Variants in C12orf56 observed in about 807,000 individuals in gnomAD.
C12orf56 encodes the protein chromosome 12 open reading frame 56.
C12orf56 carries 71 observed loss-of-function variants against 69.9 expected under a neutral mutation model. That is an observed-to-expected ratio of 1.02 (90% confidence interval 0.84 to 1.24). The LOEUF (loss-of-function observed/expected upper bound fraction) is 1.24. Among genes scored for constraint, C12orf56 ranks in the 50% most tolerant of loss-of-function variants. C12orf56 has a pLI of 0.00. For missense variants in C12orf56, 732 were observed against 738.5 expected (o/e 0.99, Z 0.10); for synonymous variants, 276 against 274.1 (o/e 1.01, Z -0.07).
chr12:64,385,162 G>A (rs2039772962), intron 1 of C12orf56, among the ~76,000 whole-genome samples: 1 of 152,020 alleles, frequency 6.6e-6, no homozygotes, highest in Admixed American at 6.6e-5. Flanking sequence ...TTAAGGAAAT[G>A]TCAGCCTTTT....
chr12:64,370,682 A>T (rs1400642503), intron 1 of C12orf56, among the ~76,000 whole-genome samples: 1 of 152,186 alleles, frequency 6.6e-6, no homozygotes, highest in Admixed American at 6.6e-5. Flanking sequence ...AATTGCACCA[A>T]GTTTAAAATT....
chr12:64,338,166 G>A (rs942001311), intron 2 of C12orf56: 77 of 571,354 alleles, frequency 1.3e-4, no homozygotes, highest in African/African-American at 6.3e-4. Flanking sequence ...TCCACCTCCC[G>A]AAGGCTTAGT....
chr12:64,358,368 G>A (rs1041181704), intron 1 of C12orf56, among the ~76,000 whole-genome samples: 2 of 151,820 alleles, frequency 1.3e-5, no homozygotes, highest in Admixed American at 6.6e-5. Context: ...TGAGGCAGGA[G>A]AATCGCTGGA....
chr12:64,287,261 A>AGAAG (rs1389739195), intron 6 of C12orf56, among the ~76,000 whole-genome samples: 6 of 67,582 alleles, frequency 8.9e-5, no homozygotes, highest in African/African-American at 2.4e-4. Flanking sequence ...AAAAAAAAAA[A>AGAAG]AAGAAGAAGA....
At chr12:64,353,204 C>G in intron 1 of C12orf56, 148 bp from the exon 2 acceptor site, 1 of 724,184 alleles carries the variant, frequency 1.4e-6, no homozygotes, top group Non-Finnish European at 2.2e-6. Context: ...GACACCCAGG[C>G]TAGAGTGCAG....
intron 6 of C12orf56, among the ~76,000 whole-genome samples, chr12:64,294,175 A>C (rs950007571): frequency 3.9e-5 from 6 of 152,294 alleles, no homozygotes; most frequent in African/African-American, 1.4e-4. Flanking sequence ...TAAAAAAAAA[A>C]CACAAAATAG....
intron 1 of C12orf56, among the ~76,000 whole-genome samples, chr12:64,356,195 A>C (rs1565772302): frequency 2.0e-5 from 3 of 151,836 alleles, no homozygotes; most frequent in Admixed American, 6.6e-5. Flanking sequence ...AAAAAAAAAA[A>C]AAAACCATAC....
chr12:64,371,931 A>G (rs1233359750), intron 1 of C12orf56, among the ~76,000 whole-genome samples: 3 of 131,502 alleles, frequency 2.3e-5, no homozygotes, highest in Non-Finnish European at 4.7e-5. Flanking sequence ...TTTTGCACGC[A>G]CCACCACATG....
chr12:64,379,529 G>A (rs987678237), intron 1 of C12orf56, among the ~76,000 whole-genome samples: 9 of 151,354 alleles, frequency 5.9e-5, no homozygotes, highest in Admixed American at 3.9e-4. Context: ...CTTGTGATCC[G>A]CCCACCTCGG....
At chr12:64,339,531 C>T (rs1196002203) in intron 2 of C12orf56, among the ~76,000 whole-genome samples, 8 of 152,030 alleles carry the variant, frequency 5.3e-5, no homozygotes, top group African/African-American at 1.2e-4. Flanking sequence ...CTCCAAACCC[C>T]GTCATTTAAG....
intron 2 of C12orf56, among the ~76,000 whole-genome samples, chr12:64,333,105 C>T (rs1000497868): frequency 6.6e-6 from 1 of 152,156 alleles, no homozygotes; most frequent in African/African-American, 2.4e-5. Context: ...GCACTTATGA[C>T]TCATCAATCA....
intron 1 of C12orf56, among the ~76,000 whole-genome samples, chr12:64,386,966 C>A (rs2039800229): frequency 6.6e-6 from 1 of 150,564 alleles, no homozygotes; most frequent in Non-Finnish European, 1.5e-5. Context: ...GTAGTCCCAG[C>A]TACTTAGGAG....
chr12:64,276,993 TAAAAA>T (rs200351319), intron 9 of C12orf56, among the ~76,000 whole-genome samples: 64 of 69,218 alleles, frequency 9.2e-4, no homozygotes, highest in South Asian at 2.4e-3. Flanking sequence ...AACCCTTTCT[TAAAAA>T]AAAAAAAAAA....
chr12:64,274,140 G>T (rs1220253561), intron 11 of C12orf56, among the ~76,000 whole-genome samples: 1 of 151,614 alleles, frequency 6.6e-6, no homozygotes, highest in Non-Finnish European at 1.5e-5. Flanking sequence ...GGGCCCTGAG[G>T]CCTGAGGGAT....
chr12:64,377,859 A>AT (rs920373634), intron 1 of C12orf56, among the ~76,000 whole-genome samples: 2 of 151,800 alleles, frequency 1.3e-5, no homozygotes, highest in African/African-American at 2.4e-5. Flanking sequence ...ACCAAAAAAA[A>AT]TTTTTTTTTA....
chr12:64,363,952 C>T (rs2039430776), intron 1 of C12orf56, among the ~76,000 whole-genome samples: 1 of 151,924 alleles, frequency 6.6e-6, no homozygotes, highest in South Asian at 2.1e-4. Context: ...AATAAATTTG[C>T]AAAATGCTGT....
intron 2 of C12orf56, among the ~76,000 whole-genome samples, chr12:64,351,978 A>T (rs2039229029): frequency 1.3e-5 from 2 of 152,118 alleles, no homozygotes; most frequent in Non-Finnish European, 2.9e-5. Flanking sequence ...CATCCTTCAA[A>T]CTGGGAAAAG....
chr12:64,352,117 T>TTTTTG lies in C12orf56; in HGVS notation c.415+776_415+777insCAAAA, dbSNP rs1491260749. Among the ~76,000 whole-genome samples the TTTTTG allele has an allele frequency of 0.016, 106 of 6,800 alleles. No homozygotes were observed. The East Asian group carries it at 0.24, about 15-fold the overall frequency. The allele number at this position is 6,800 out of a possible 152,430, so 4.5% of individuals were successfully genotyped here. ...TGTTTTTGTTTTTTTTTTTTTTTTG[T>TTTTTG]TTTTTTTTTTACCAGTCAGGCTTTT... On this transcript the variant is annotated intron_variant, in intron 2 of 12. Transcript: ENST00000543942.
At chr12:64,370,605 T>C (rs1042993344) in intron 1 of C12orf56, among the ~76,000 whole-genome samples, 5 of 151,846 alleles carry the variant, frequency 3.3e-5, no homozygotes, top group African/African-American at 1.2e-4. Flanking sequence ...GAGCTGAAAT[T>C]GTGCCACTGC....
Sources: allele counts gnomAD v4.1 joint callset (sites outside exome capture counted in the v4.1 genomes callset), GRCh38; gene constraint gnomAD v4.1.1; transcripts MANE v1.5; gene names NCBI Gene and HGNC (gene_info 2026-07-23, HGNC 2026-07-21).